Variants in MCPH1 observed in about 807,000 individuals in gnomAD.
The protein encoded by MCPH1 is microcephalin.
In MCPH1, 104 loss-of-function variants were observed where a neutral mutation model predicts 84.5. The ratio of observed to expected loss-of-function variants is 1.23; its 90% confidence interval spans 1.05 to 1.45. The LOEUF (loss-of-function observed/expected upper bound fraction) is 1.45. Among genes scored for constraint, MCPH1 ranks in the 40% most tolerant of loss-of-function variants. The pLI is 0.00. For synonymous variants in MCPH1, 514 were observed against 366.8 expected (o/e 1.40, Z -4.58); for missense variants, 1,498 against 1,005.7 (o/e 1.49, Z -6.62).
chr8:6,425,471 A>G (rs1376061344), intron 3 of MCPH1, among the ~76,000 whole-genome samples: 1 of 152,174 alleles, frequency 6.6e-6, no homozygotes, highest in African/African-American at 2.4e-5. Flanking sequence ...GCAGAACGGC[A>G]TTACCAGCAG....
chr8:6,473,768 A>G (rs1435998749), intron 9 of MCPH1: 4 of 824,202 alleles, frequency 4.9e-6, no homozygotes, highest in African/African-American at 1.7e-5. Flanking sequence ...AGCGTTCCTG[A>G]TACTTAAACA....
intron 12 of MCPH1, among the ~76,000 whole-genome samples, chr8:6,520,419 G>A (rs1410145052): frequency 6.6e-6 from 1 of 152,102 alleles, no homozygotes; most frequent in African/African-American, 2.4e-5. Flanking sequence ...TGCCCCTTCA[G>A]GCCATTATCC....
intron 12 of MCPH1, among the ~76,000 whole-genome samples, chr8:6,543,298 G>A (rs1030923381): frequency 5.9e-5 from 9 of 152,152 alleles, no homozygotes; most frequent in Non-Finnish European, 1.2e-4. Context: ...CTGACCCGCC[G>A]TCCGCAAATG....
At chr8:6,443,401 G>T (rs1249739181) in intron 7 of MCPH1, among the ~76,000 whole-genome samples, 1 of 152,226 alleles carries the variant, frequency 6.6e-6, no homozygotes, top group Non-Finnish European at 1.5e-5. Context: ...GACACCTGGG[G>T]CACAGTTGGA....
At chr8:6,642,062 T>C (rs1227606022) in intron 13 of MCPH1, among the ~76,000 whole-genome samples, 2 of 152,198 alleles carry the variant, frequency 1.3e-5, no homozygotes, top group Non-Finnish European at 1.5e-5. Context: ...TATTTGTAGA[T>C]TAAACCCATT....
intron 11 of MCPH1, among the ~76,000 whole-genome samples, chr8:6,491,344 C>T (rs984393284): frequency 1.4e-5 from 2 of 147,626 alleles, no homozygotes; most frequent in South Asian, 2.1e-4. Context: ...CCACTTACTT[C>T]GATAAACAGA....
chr8:6,439,092 C>T lies in MCPH1; in HGVS notation c.576C>T (p.Pro192=), dbSNP rs1803099137. The T allele has an allele frequency of 1.9e-6, 3 of 1,612,548 alleles. No individual in the cohort carries two copies. The highest frequency in any genetic ancestry group is 1.1e-5 in the South Asian group (1 of 91,030). Residue 192 remains proline (P), a synonymous_variant, in exon 6 of 14, where the codon CCC becomes CCT. Coordinates refer to ENST00000344683, the MANE Select transcript of MCPH1 (RefSeq NM_024596.5). ...AGGAGAAAAGGGAAAATCTTTCCCC[C>T]ACCTGTAAGTAATTAGTTTGTAAAA... ...EMKEKRENLS[P]TSSQMIQQSH... is the part of the protein sequence containing the mutation.
At chr8:6,508,602 AG>A in intron 12 of MCPH1, 1 of 463,834 alleles carries the variant, frequency 2.2e-6, no homozygotes, top group East Asian at 3.5e-5. Context: ...TTTTACATAA[AG>A]CAAAATGTAA....
At chr8:6,462,135 C>A (rs1470729131) in intron 9 of MCPH1, among the ~76,000 whole-genome samples, 1 of 152,102 alleles carries the variant, frequency 6.6e-6, no homozygotes, top group Non-Finnish European at 1.5e-5. Context: ...TGTGAAGGAA[C>A]AAATAGAGCA....
Position 6,514,909 on chromosome 8 carries a change from G to A in MCPH1, c.2214+14980G>A, listed in dbSNP as rs980517201. The A allele has an allele frequency of 3.0e-5, 20 of 673,562 alleles. No individual in the cohort carries two copies. The East Asian group carries it at 5.1e-4, about 17-fold the overall frequency. 41.7% of individuals were successfully genotyped at this position (673,562 alleles called of 1,614,324 possible). ...GGTTCTCTGGGATATAAGGCACGGA[G>A]TAGACCATCGGGGTTGTCTAAGAAA... On this transcript the variant is annotated intron_variant, in intron 12 of 13. Coordinates refer to ENST00000344683, the MANE Select transcript of MCPH1 (RefSeq NM_024596.5).
At chr8:6,425,647 A>G (rs978426239) in intron 3 of MCPH1, among the ~76,000 whole-genome samples, 15 of 152,220 alleles carry the variant, frequency 9.9e-5, no homozygotes, top group African/African-American at 3.4e-4. Flanking sequence ...TGTATAACCT[A>G]TGTCAGGCAC....
At chr8:6,474,006 T>C in intron 9 of MCPH1, 1 of 899,424 alleles carries the variant, frequency 1.1e-6, no homozygotes, top group Non-Finnish European at 1.8e-6. Context: ...CACTGAATAT[T>C]GTCTTTTAGT....
chr8:6,627,657 G>T (rs57584984), intron 13 of MCPH1, among the ~76,000 whole-genome samples: 4 of 152,162 alleles, frequency 2.6e-5, no homozygotes, highest in Non-Finnish European at 4.4e-5. Flanking sequence ...TTAGGAGGCC[G>T]AGGCGGGTGG....
intron 12 of MCPH1, among the ~76,000 whole-genome samples, chr8:6,594,690 C>T (rs1269734828): frequency 1.0e-5 from 1 of 95,688 alleles, no homozygotes; most frequent in South Asian, 3.3e-4. Context: ...CAGGGGACTG[C>T]AGGGGACTGC....
chr8:6,434,128 T>C (rs1802294462), intron 4 of MCPH1, among the ~76,000 whole-genome samples: 1 of 152,224 alleles, frequency 6.6e-6, no homozygotes, highest in East Asian at 1.9e-4. Flanking sequence ...TCTCTTTTCA[T>C]CTGCAGTGCT....
At chr8:6,513,680 A>G (rs746030932) in intron 12 of MCPH1, 3 of 1,607,826 alleles carry the variant, frequency 1.9e-6, no homozygotes, top group East Asian at 2.2e-5. Context: ...TCACTTACCT[A>G]TAATTGAGTT....
intron 13 of MCPH1, among the ~76,000 whole-genome samples, chr8:6,635,841 T>G (rs992965141): frequency 6.6e-6 from 1 of 152,122 alleles, no homozygotes; most frequent in African/African-American, 2.4e-5. Context: ...AAGCACAGCA[T>G]GGTTGGGAGA....
intron 12 of MCPH1, among the ~76,000 whole-genome samples, chr8:6,551,018 C>A (rs964887165): frequency 4.6e-5 from 7 of 152,160 alleles, no homozygotes. Flanking sequence ...CTTTTGAAAC[C>A]AACAAGTGAA....
intron 8 of MCPH1, chr8:6,447,251 G>A (rs1048189156): frequency 1.0e-6 from 1 of 985,256 alleles, no homozygotes; most frequent in East Asian, 1.1e-4. Context: ...CTCTCTTTGG[G>A]AATCTATCTT....
Sources: allele counts gnomAD v4.1 joint callset (sites outside exome capture counted in the v4.1 genomes callset), GRCh38; gene constraint gnomAD v4.1.1; transcripts MANE v1.5; gene names NCBI Gene and HGNC (gene_info 2026-07-23, HGNC 2026-07-21).